Variants in POLR1B observed in about 807,000 individuals in gnomAD.
POLR1B encodes the protein RNA polymerase I subunit B.
In POLR1B, 30 loss-of-function variants were observed where a neutral mutation model predicts 105.8. The ratio of observed to expected loss-of-function variants is 0.28; its 90% CI spans 0.21 to 0.38. The LOEUF is 0.38. Among genes scored for constraint, POLR1B ranks in the 10% least tolerant of loss-of-function variants. The probability of loss-of-function intolerance (pLI) is 1.00; values close to 1 mark genes in which losing one functional copy is unlikely to be tolerated. For missense variants in POLR1B, 976 were observed against 1,435.8 expected, an observed-to-expected ratio of 0.68 and a Z score of 5.17; for synonymous variants, 485 against 505.1, an observed-to-expected ratio of 0.96 and a Z score of 0.53.
intron 12 of POLR1B, among the ~76,000 whole-genome samples, chr2:112,569,474 A>G (rs1427793484): frequency 6.6e-6 from 1 of 152,244 alleles, no homozygotes; most frequent in African/African-American, 2.4e-5. Context: ...TTTTTCTTCC[A>G]ACACTTAAAA....
rs750966186 is a variant in POLR1B, at chr2:112,552,709, C to T, written c.1051C>T (p.Arg351Ter). ...EKFYMLCLMTRKLFALAKGEC... is the reference protein window; with the variant it reads ...EKFYMLCLMT ...GTTTTATATGCTTTGTCTCATGACG[C>T]GAAAGCTCTTTGCTTTAGCCAAAGG... is the stretch of plus-strand genomic sequence containing the variant. Residue 351 changes from arginine (R) to a stop codon, truncating the protein, a stop_gained, in exon 7 of 15, where the codon CGA becomes TGA. Coordinates refer to ENST00000263331, the MANE Select transcript of POLR1B (RefSeq NM_019014.6). LOFTEE classifies it high-confidence loss of function. The T allele has an allele frequency of 3.1e-6, 5 of 1,612,026 alleles. No individual in the cohort carries two copies. Among genetic ancestry groups the T allele is most frequent in the Non-Finnish European group, 2.5e-6 (3 of 1,179,122 alleles).
chr2:112,542,501 C>T lies in POLR1B; in HGVS notation c.7C>T (p.Pro3Ser), dbSNP rs114489202. 1.8e-3 allele frequency: 2,910 copies of T among 1,613,946 alleles called. 48 individuals are homozygous for T. The African/African-American group carries it at 0.035, about 19-fold the overall frequency. The part of the protein sequence containing the change: MD[P>S]GSRWRNLPSG... ...CCGGTGTGCAGGTGGCCACATGGATCCTGGCAGCCGGTGGCGGAACCTGCC... is the reference window on the plus strand; with the variant it reads ...CCGGTGTGCAGGTGGCCACATGGATTCTGGCAGCCGGTGGCGGAACCTGCC... Residue 3 changes from proline (P) to serine (S), a missense_variant, in exon 1 of 15, where the codon CCT (proline) becomes TCT (serine). Physicochemically the swap from Pro to Ser is moderately conservative, Grantham distance 74. This residue lies in a region of POLR1B where 452 missense variants were observed against 616.5 expected (regional missense o/e 0.73). Coordinates refer to ENST00000263331, the MANE Select transcript of POLR1B (RefSeq NM_019014.6).
intron 10 of POLR1B, among the ~76,000 whole-genome samples, chr2:112,566,824 C>A (rs1355943228): frequency 2.0e-5 from 3 of 151,870 alleles, no homozygotes; most frequent in East Asian, 3.9e-4. Context: ...CCTCCGCCTC[C>A]CATGTTCAAG....
chr2:112,542,748 C>A (rs1574083086), intron 1 of POLR1B, 77 bp downstream of exon 1: 4 of 1,541,182 alleles, frequency 2.6e-6, no homozygotes, highest in Middle Eastern at 1.8e-4. Flanking sequence ...CACAGTATGA[C>A]CCCAGATGCA....
intron 1 of POLR1B, 154 bp from the exon 2 acceptor site, chr2:112,546,858 C>T (rs544810776): frequency 1.2e-4 from 91 of 742,878 alleles, no homozygotes; most frequent in Admixed American, 2.6e-4. Context: ...CCACTGCGCC[C>T]GGCCAACTGG....
Position 112,574,868 on chromosome 2 carries a change from G to A in POLR1B, c.2547G>A (p.Val849=), listed in dbSNP as rs529252659. ...MYYKSKENCV[V]DNIKVCSNDT... ...CTAGGAGTAAAGAAAATTGTGTTGT[G>A]GATAACATCAAAGTGTGCAGTAATG... The change falls in exon 15 of 15, where the codon GTG becomes GTA. Residue 849 remains valine (V), a synonymous_variant. Coordinates refer to ENST00000263331, the MANE Select transcript of POLR1B (RefSeq NM_019014.6). 10 of 1,610,412 alleles carry A rather than the reference G, an allele frequency of 6.2e-6. No individual in the cohort carries two copies. In the East Asian group the frequency reaches 6.7e-5, roughly 11 times the overall value.
At chr2:112,572,186 C>G (rs991540608) in intron 12 of POLR1B, among the ~76,000 whole-genome samples, 1 of 152,180 alleles carries the variant, frequency 6.6e-6, no homozygotes, top group Non-Finnish European at 1.5e-5. Context: ...TTTTCTTCCC[C>G]GAGTAGTGAT....
In POLR1B at chr2:112,578,674, A is replaced by T. The variant is rs1282978507; in HGVS notation, c.*2945A>T. On this transcript the variant is annotated 3_prime_UTR_variant, in exon 15 of 15. Coordinates refer to ENST00000263331, the MANE Select transcript of POLR1B (RefSeq NM_019014.6). ...TAGTCCCCCTTTATCTTTGAAGATT[A>T]TATCCCAAGACTCCCAGTGAGTGTC... Among the ~76,000 whole-genome samples the T allele has an allele frequency of 6.6e-6, 1 of 152,208 alleles. No individual in the cohort carries two copies. The highest frequency in any genetic ancestry group is 1.5e-5 in the Non-Finnish European group (1 of 68,040).
intron 7 of POLR1B, chr2:112,554,554 C>T (rs947705866): frequency 6.6e-6 from 1 of 151,912 alleles, no homozygotes; most frequent in East Asian, 1.9e-4. Flanking sequence ...TACAATTTTC[C>T]TGACAAAAAT....
chr2:112,568,165 G>A (rs757694320), intron 11 of POLR1B, 28 bp downstream of exon 11: 2 of 1,594,154 alleles, frequency 1.3e-6, no homozygotes, highest in East Asian at 4.5e-5. Flanking sequence ...ATGGATGAGT[G>A]TATGTGCTTG....
chr2:112,553,838 A>G (rs1276844640), intron 7 of POLR1B: 1 of 152,204 alleles, frequency 6.6e-6, no homozygotes, highest in African/African-American at 2.4e-5. Flanking sequence ...GTGTTAATTC[A>G]GTGTTCATTA....
Position 112,577,482 on chromosome 2 carries a change from G to A in POLR1B, c.*1753G>A, listed in dbSNP as rs1026946659. ...GAGGATTGCTTGAACCCAAGAGGTC[G>A]AGGCTGCAGTGAGCCAAGATTGTGC... is the stretch of plus-strand genomic sequence containing the variant. On this transcript the variant is annotated 3_prime_UTR_variant, in exon 15 of 15. Coordinates refer to ENST00000263331, the MANE Select transcript of POLR1B (RefSeq NM_019014.6). 2.0e-5 allele frequency among the ~76,000 whole-genome samples: 3 copies of A among 152,046 alleles called. No homozygotes were observed. The highest frequency in any genetic ancestry group is 6.6e-5 in the Admixed American group (1 of 15,262).
chr2:112,549,104 A>G (rs948134598), intron 3 of POLR1B, among the ~76,000 whole-genome samples, 163 bp from the exon 4 acceptor site: 2 of 152,140 alleles, frequency 1.3e-5, no homozygotes, highest in East Asian at 1.9e-4. Flanking sequence ...CTGTTAATTC[A>G]CACAAAGACA....
intron 4 of POLR1B, 102 bp from the exon 5 acceptor site, chr2:112,550,764 G>A: frequency 8.2e-7 from 1 of 1,217,732 alleles, no homozygotes; most frequent in East Asian, 2.4e-5. Flanking sequence ...TAGTGATTTG[G>A]CTTTAATTGT....
intron 9 of POLR1B, among the ~76,000 whole-genome samples, chr2:112,562,475 G>A (rs1242140474): frequency 6.6e-6 from 1 of 152,110 alleles, no homozygotes; most frequent in African/African-American, 2.4e-5. Flanking sequence ...TTTGGTTCCA[G>A]AGCGCTGCAA....
At chr2:112,572,504 A>G in intron 12 of POLR1B, 58 bp from the exon 13 acceptor site, 1 of 1,289,332 alleles carries the variant, frequency 7.8e-7, no homozygotes, top group Non-Finnish European at 1.1e-6. Context: ...GTTGCGTATC[A>G]CACCTATAAT....
rs1169528728 is a variant in POLR1B at position 112,547,144 on chromosome 2, C to T, written c.310C>T (p.Arg104Trp). The change falls in exon 2 of 15, where the codon CGG (arginine) becomes TGG (tryptophan). Residue 104 changes from arginine (R) to tryptophan (W), a missense_variant. Physicochemically the swap from Arg to Trp is moderately radical, Grantham distance 101. This residue lies in a region of POLR1B where 452 missense variants were observed against 616.5 expected (regional missense o/e 0.73). Transcript: ENST00000263331. ...GGCCAATGTTTATCCAGCAGAATGC[C>T]GGGGCCGAAGGAGTACCTACCGTGG... ...KEANVYPAEC[R>W]GRRSTYRGKL... 3 of 1,613,964 alleles carry T rather than the reference C, an allele frequency of 1.9e-6. No homozygotes were observed. Among genetic ancestry groups the T allele is most frequent in the Non-Finnish European group, 2.5e-6 (3 of 1,180,030 alleles).
chr2:112,574,795 C>A, intron 14 of POLR1B, 52 bp from the exon 15 acceptor site: 5 of 1,296,602 alleles, frequency 3.9e-6, no homozygotes, highest in East Asian at 2.5e-5. Context: ...TGAAACTTAT[C>A]TCCATAAGTT....
rs1683337263 is a variant in POLR1B, at chr2:112,551,005, A to G, written c.762+3A>G. ...TTCCTTTGGGATTTGCACTTAAGGT[A>G]TGACTTAATGAATGCATTCTTTTGT... is the stretch of plus-strand genomic sequence containing the variant. On this transcript the variant is annotated splice_donor_region_variant and intron_variant, in intron 5 of 14. Transcript: ENST00000263331. The G allele has an allele frequency of 1.2e-6, 2 of 1,612,288 alleles. No homozygotes were observed. The highest frequency in any genetic ancestry group is 8.5e-7 in the Non-Finnish European group (1 of 1,178,310).
Sources: allele counts gnomAD v4.1 joint callset (sites outside exome capture counted in the v4.1 genomes callset), GRCh38; gene constraint gnomAD v4.1.1; regional missense constraint gnomAD v4.1.1; transcripts MANE v1.5; gene names NCBI Gene and HGNC (gene_info 2026-07-23, HGNC 2026-07-21).